Variants in JMY observed in about 807,000 individuals in gnomAD.
JMY encodes junction-mediating and -regulatory protein.
JMY carries 46 observed loss-of-function variants against 103.3 expected under a neutral mutation model. The observed-to-expected ratio is 0.45, with a 90% CI of 0.35 to 0.57. The LOEUF (loss-of-function observed/expected upper bound fraction) is 0.57. JMY is among the 20% of genes least tolerant of loss of function. The probability of loss-of-function intolerance (pLI) is 0.00; values close to 1 mark genes in which losing one functional copy is unlikely to be tolerated. For synonymous variants in JMY, 526 were observed against 489.3 expected, an observed-to-expected ratio of 1.07 and a Z score of -0.99; for missense variants, 1,238 against 1,255.2, an observed-to-expected ratio of 0.99 and a Z score of 0.21.
chr5:79,261,596 C>T (rs752525343), intron 1 of JMY, among the ~76,000 whole-genome samples: 40 of 152,070 alleles, frequency 2.6e-4, no homozygotes, highest in African/African-American at 8.7e-4. Flanking sequence ...CAGACAAAGG[C>T]GTGAATTACT....
rs117414881 is a variant in JMY, at chr5:79,282,834, T to C, written c.1206+4751T>C. On this transcript the variant is annotated intron_variant, in intron 2 of 10. Coordinates refer to ENST00000396137, the MANE Select transcript of JMY (RefSeq NM_152405.5). ...TGTTTGATAGCAAAACCTGCTGTTA[T>C]CCACAGGGTGTGAATTGTTTGGTAT... 1.8e-4 allele frequency among the ~76,000 whole-genome samples: 28 copies of C among 152,268 alleles called. No homozygotes were observed. In the East Asian group the frequency reaches 5.2e-3, roughly 28 times the overall value.
chr5:79,321,608 GACATA>G lies in JMY; in HGVS notation c.*10_*14del, dbSNP rs1382763302. On this transcript the variant is annotated 3_prime_UTR_variant, in exon 11 of 11. Transcript: ENST00000396137. ...TGTATTATTTTGTTTGTAAACAGGT[GACATA>G]ACAGAAGAAAAATATCATTCAAGAT... is the stretch of plus-strand genomic sequence containing the variant. 3.3e-5 allele frequency: 5 copies of G among 152,034 alleles called. No homozygotes were observed. Among genetic ancestry groups the G allele is most frequent in the East Asian group, 1.9e-4 (1 of 5,176 alleles). 9.4% of individuals were successfully genotyped at this position (152,034 alleles called of 1,614,324 possible). A position where few individuals can be genotyped will look rare whatever the true frequency, so the allele number is the denominator to read the frequency against.
At chr5:79,270,380 T>A (rs938594008) in intron 1 of JMY, among the ~76,000 whole-genome samples, 18 of 135,704 alleles carry the variant, frequency 1.3e-4, no homozygotes, top group Non-Finnish European at 2.5e-4. Context: ...TTTACATAAA[T>A]ATTTACATAA....
rs1319696091 is a variant in JMY, at chr5:79,237,232, G to C, written c.582G>C (p.Glu194Asp). ...CTGGGACGGTCTCCGAGGAGATAGA[G>C]GTGCTGGAAATGGTGAAGGAGGACG... Reference protein sequence around the residue: ...SASGTVSEEIEVLEMVKEDEA... With the variant: ...SASGTVSEEIDVLEMVKEDEA... Residue 194 changes from glutamate to aspartate, a missense_variant, in exon 1 of 11, where the codon GAG becomes GAC. Transcript: ENST00000396137. The C allele has an allele frequency of 1.3e-6, 2 of 1,550,572 alleles. No homozygotes were observed. Among genetic ancestry groups the C allele is most frequent in the African/African-American group, 2.7e-5 (2 of 73,054 alleles).
rs115459268 is a variant in JMY, at chr5:79,240,884, G to T, written c.1032+3202G>T. On this transcript the variant is annotated intron_variant, in intron 1 of 10. Coordinates refer to ENST00000396137, the MANE Select transcript of JMY (RefSeq NM_152405.5). ...AACATTTTTATAGAAGTTGTGCCAT[G>T]TTTGTGTTATTCTATTGACTTAGTT... Among the ~76,000 whole-genome samples the T allele has an allele frequency of 9.4e-3, 1,438 of 152,284 alleles. 25 individuals are homozygous for T. Among genetic ancestry groups the T allele is most frequent in the African/African-American group, 0.033 (1,368 of 41,546 alleles).
intron 1 of JMY, among the ~76,000 whole-genome samples, chr5:79,265,084 C>A (rs994002583): frequency 2.0e-5 from 3 of 152,026 alleles, no homozygotes; most frequent in Admixed American, 2.0e-4. Context: ...CGCCACCATG[C>A]CTGGCTAATT....
intron 1 of JMY, among the ~76,000 whole-genome samples, chr5:79,248,546 T>C (rs1219011208): frequency 2.7e-5 from 4 of 150,898 alleles, no homozygotes; most frequent in African/African-American, 4.9e-5. Flanking sequence ...TGACCTCAGG[T>C]GATCCACCCG....
At position 79,300,765 on chromosome 5, in the gene JMY, C is replaced by T; in HGVS notation, c.1783C>T (p.Gln595Ter). The T allele has an allele frequency of 6.2e-7, 1 of 1,612,428 alleles. No homozygotes were observed. Among genetic ancestry groups the T allele is most frequent in the Non-Finnish European group, 8.5e-7 (1 of 1,179,384 alleles). Residue 595 changes from glutamine to a stop codon, truncating the protein, a stop_gained, in exon 6 of 11, where the codon CAG becomes TAG. Coordinates refer to ENST00000396137, the MANE Select transcript of JMY (RefSeq NM_152405.5). LOFTEE classifies it high-confidence loss of function. ...KEEMAASAYL[Q>*]REELQKLQQK... The stretch of plus-strand genomic sequence containing the variant: ...AGAGATGGCAGCATCTGCGTACTTA[C>T]AGAGAGAAGAGCTGCAGAAACTTCA...
intron 1 of JMY, among the ~76,000 whole-genome samples, chr5:79,270,575 ATATTTACAT>A (rs1745741632): frequency 1.1e-5 from 1 of 93,350 alleles, no homozygotes; most frequent in Non-Finnish European, 2.5e-5. Flanking sequence ...TTTAAAATGT[ATATTTACAT>A]AAATATTTAA....
At chr5:79,244,287 C>A (rs903301372) in intron 1 of JMY, among the ~76,000 whole-genome samples, 2 of 152,154 alleles carry the variant, frequency 1.3e-5, no homozygotes, top group African/African-American at 4.8e-5. Context: ...AAGCATGAGC[C>A]ACCACGCCTG....
intron 1 of JMY, among the ~76,000 whole-genome samples, chr5:79,253,300 T>A (rs1356815976): frequency 6.9e-6 from 1 of 144,050 alleles, no homozygotes; most frequent in Non-Finnish European, 1.5e-5. Flanking sequence ...TCATTTAATC[T>A]TTTTTTTTTG....
Position 79,325,596 on chromosome 5 carries a change from G to A in JMY, c.*3994G>A, listed in dbSNP as rs1333648603. 6.6e-6 allele frequency: 1 copy of A among 152,148 alleles called. No homozygotes were observed. Among genetic ancestry groups the A allele is most frequent in the East Asian group, 1.9e-4 (1 of 5,192 alleles). The allele number at this position is 152,148 out of a possible 1,614,324, so 9.4% of individuals were successfully genotyped here. Reference sequence around the variant, plus strand: ...AGCAAGATTTATTTCAGATGGAAAAGGGGTGAGAAAGTGGAAGCACCTTAC... The same window carrying A: ...AGCAAGATTTATTTCAGATGGAAAAAGGGTGAGAAAGTGGAAGCACCTTAC... On this transcript the variant is annotated 3_prime_UTR_variant, in exon 11 of 11. Coordinates refer to ENST00000396137, the MANE Select transcript of JMY (RefSeq NM_152405.5).
chr5:79,314,112 G>T, intron 8 of JMY, 145 bp from the exon 9 acceptor site: 1 of 1,313,354 alleles, frequency 7.6e-7, no homozygotes, highest in Non-Finnish European at 1.0e-6. Flanking sequence ...ACCCGCCTCG[G>T]CCTCCCAAAG....
At chr5:79,267,086 C>G (rs1745607222) in intron 1 of JMY, among the ~76,000 whole-genome samples, 1 of 152,176 alleles carries the variant, frequency 6.6e-6, no homozygotes, top group Admixed American at 6.6e-5. Flanking sequence ...CTTCATACCT[C>G]TCTCCTGCCT....
At chr5:79,238,552 G>T (rs1028251871) in intron 1 of JMY, among the ~76,000 whole-genome samples, 8 of 151,836 alleles carry the variant, frequency 5.3e-5, no homozygotes, top group African/African-American at 1.9e-4. Flanking sequence ...TTCCCTAATG[G>T]ATACTACTAC....
At chr5:79,284,231 A>C (rs562455893) in intron 2 of JMY, 43 of 1,532,348 alleles carry the variant, frequency 2.8e-5, no homozygotes, top group Non-Finnish European at 3.8e-5. Flanking sequence ...TGCCTTCACC[A>C]TGAAGCTCCA....
chr5:79,241,663 A>G (rs975804838), intron 1 of JMY, among the ~76,000 whole-genome samples: 1 of 152,122 alleles, frequency 6.6e-6, no homozygotes, highest in South Asian at 2.1e-4. Context: ...GAGTCACAGG[A>G]ATGTTTTGGT....
intron 1 of JMY, among the ~76,000 whole-genome samples, chr5:79,258,224 A>G (rs142331005): frequency 2.7e-4 from 41 of 152,240 alleles, no homozygotes; most frequent in African/African-American, 9.4e-4. Context: ...AGTTTCTACA[A>G]TATTTATCTT....
chr5:79,257,544 C>G (rs1028566780), intron 1 of JMY, among the ~76,000 whole-genome samples: 43 of 152,090 alleles, frequency 2.8e-4, no homozygotes, highest in Non-Finnish European at 7.3e-5. Context: ...GTCGAGGCTG[C>G]AGTAGGCCAT....
Sources: allele counts gnomAD v4.1 joint callset (sites outside exome capture counted in the v4.1 genomes callset), GRCh38; gene constraint gnomAD v4.1.1; transcripts MANE v1.5; gene names NCBI Gene and HGNC (gene_info 2026-07-23, HGNC 2026-07-21).